The following NAALADL1 variants were observed in gnomAD, a reference collection of about 807,000 sequenced individuals.
NAALADL1 encodes aminopeptidase NAALADL1.
A neutral mutation model predicts 82.8 loss-of-function variants in NAALADL1; 77 were observed. The observed-to-expected ratio is 0.93, with a 90% CI of 0.77 to 1.12. The LOEUF (loss-of-function observed/expected upper bound fraction) is 1.12, where lower values mean the gene tolerates loss of function less well. NAALADL1 is among the 50% of genes most tolerant of loss of function. The pLI, the probability that NAALADL1 is intolerant of heterozygous loss-of-function variation, is 0.00. For synonymous variants in NAALADL1, 358 were observed against 399.2 expected (o/e 0.90, Z 1.23); for missense variants, 956 against 964.0 (o/e 0.99, Z 0.11).
intron 13 of NAALADL1, 133 bp downstream of exon 13, chr11:65,047,342 T>A: frequency 1.4e-6 from 1 of 739,554 alleles, no homozygotes; most frequent in Non-Finnish European, 2.2e-6. Context: ...TGTGTGTGTT[T>A]TTTTTTAAGA....
At chr11:65,055,034 C>G (rs995653823) in intron 4 of NAALADL1, among the ~76,000 whole-genome samples, 1 of 152,230 alleles carries the variant, frequency 6.6e-6, no homozygotes, top group South Asian at 2.1e-4. Flanking sequence ...GCAGCATTAT[C>G]CTCAACGGCC....
In NAALADL1 at chr11:65,054,007, A is replaced by G. The variant is rs900434463; in HGVS notation, c.992+243T>C. Among the ~76,000 whole-genome samples the G allele has an allele frequency of 3.6e-4, 55 of 152,120 alleles. No homozygotes were observed. The highest frequency in any genetic ancestry group is 1.3e-3 in the African/African-American group (53 of 41,500). ...GGCATCTTCAAGAGAGGGAGTCGTG[A>G]GTTACAGACGTCAAGATGAGGTGGG... On this transcript the variant is annotated intron_variant, in intron 6 of 17. Transcript: ENST00000358658. This position sits in a 1 kb window ranked among gnomAD's most constrained non-coding sequence, Gnocchi z 4.3.
Position 65,046,536 on chromosome 11 carries a change from C to A in NAALADL1, c.1600-10G>T, listed in dbSNP as rs1451655370. 5 of 1,613,744 alleles carry A rather than the reference C, an allele frequency of 3.1e-6. No individual in the cohort carries two copies. Among genetic ancestry groups the A allele is most frequent in the Admixed American group, 1.7e-5 (1 of 59,984 alleles). ...TGGCTGAAGTCTTGCTCTGGGGGAA[C>A]AAAGCCCAGAGGTGACAGGCTTGGG... On this transcript the variant is annotated splice_polypyrimidine_tract_variant and intron_variant, in intron 13 of 17. Transcript: ENST00000358658.
At position 65,054,375 on chromosome 11, in the gene NAALADL1, C is replaced by T. The variant is rs1483102068; in HGVS notation, c.888-21G>A. On this transcript the variant is annotated intron_variant, in intron 5 of 17. Coordinates refer to ENST00000358658, the MANE Select transcript of NAALADL1 (RefSeq NM_005468.3). This position sits in a 1 kb window ranked among gnomAD's most constrained non-coding sequence, Gnocchi z 4.3. ...GGTTACTGGGGAGGAGGAAGAGGCC[C>T]TTCAGGGTAAATGTGAGTGTGGGGC... 1 of 1,613,426 alleles carries T rather than the reference C, an allele frequency of 6.2e-7. No individual in the cohort carries two copies. The highest frequency in any genetic ancestry group is 8.5e-7 in the Non-Finnish European group (1 of 1,179,602).
intron 8 of NAALADL1, among the ~76,000 whole-genome samples, chr11:65,050,738 C>T (rs1946864653): frequency 6.7e-6 from 1 of 150,320 alleles, no homozygotes; most frequent in Admixed American, 6.6e-5. Flanking sequence ...TGCAGTGAGC[C>T]AGATTGCGCC....
chr11:65,052,571 C>T (rs1035404420), intron 8 of NAALADL1, among the ~76,000 whole-genome samples: 18 of 152,148 alleles, frequency 1.2e-4, no homozygotes, highest in Admixed American at 3.9e-4. Context: ...CTCGGCCTCC[C>T]AGAGTGCTGG....
At chr11:65,051,315 C>CTTTCTTTT (rs1946879993) in intron 8 of NAALADL1, among the ~76,000 whole-genome samples, 1 of 59,570 alleles carries the variant, frequency 1.7e-5, no homozygotes, top group African/African-American at 6.4e-5. Context: ...TTCTTTCTTT[C>CTTTCTTTT]TTTTTTTTTT....
intron 11 of NAALADL1, 64 bp downstream of exon 11, chr11:65,047,906 CACCCGTAGCGG>C: frequency 1.5e-6 from 2 of 1,292,226 alleles, no homozygotes; most frequent in African/African-American, 1.5e-5. Flanking sequence ...CAGCCCCGCC[CACCCGTAGCGG>C]CCCCGTCCGC....
rs1946688063 is a variant in NAALADL1, at chr11:65,045,151, G to C, written c.*120C>G. Reference sequence around the variant, plus strand: ...TCAGGGACCTCAAGCTGTTGCCTGAGAAGCTTGAGAGGGTCCTGTGGTAGT... The same window carrying C: ...TCAGGGACCTCAAGCTGTTGCCTGACAAGCTTGAGAGGGTCCTGTGGTAGT... On this transcript the variant is annotated 3_prime_UTR_variant, in exon 18 of 18. Coordinates refer to ENST00000358658, the MANE Select transcript of NAALADL1 (RefSeq NM_005468.3). 1 of 1,141,556 alleles carries C rather than the reference G, an allele frequency of 8.8e-7. No homozygotes were observed. Among genetic ancestry groups the C allele is most frequent in the South Asian group, 1.6e-5 (1 of 61,740 alleles). 70.7% of individuals were successfully genotyped at this position (1,141,556 alleles called of 1,614,324 possible).
At chr11:65,055,016 T>G (rs549292468) in intron 4 of NAALADL1, among the ~76,000 whole-genome samples, 1 of 152,336 alleles carries the variant, frequency 6.6e-6, no homozygotes, top group African/African-American at 2.4e-5. Context: ...TGTGTACTCA[T>G]GTCCACAGCA....
chr11:65,046,507 A>G lies in NAALADL1; in HGVS notation c.1619T>C (p.Ile540Thr), dbSNP rs779696750. 2.5e-6 allele frequency: 4 copies of G among 1,614,010 alleles called. No individual in the cohort carries two copies. The African/African-American group carries it at 5.3e-5, about 22-fold the overall frequency. ...TYDRSKTSAR[I>T]YPTYHTAFDT... is the part of the protein sequence containing the mutation. The stretch of plus-strand genomic sequence containing the variant: ...AAAGGCTGTGTGGTAGGTGGGGTAG[A>G]TCCTGGCTGAAGTCTTGCTCTGGGG... Residue 540 changes from isoleucine to threonine, a missense_variant, in exon 14 of 18, where the codon ATC becomes ACC. Physicochemically the swap from Ile to Thr is moderately conservative, Grantham distance 89. Coordinates refer to ENST00000358658, the MANE Select transcript of NAALADL1 (RefSeq NM_005468.3).
At position 65,057,905 on chromosome 11, in the gene NAALADL1, A is replaced by G; in HGVS notation, c.450T>C (p.Tyr150=). 6.2e-7 allele frequency: 1 copy of G among 1,614,076 alleles called. No individual in the cohort carries two copies. The highest frequency in any genetic ancestry group is 2.2e-5 in the East Asian group (1 of 44,866). The stretch of plus-strand genomic sequence containing the variant: ...GGGTTCCAGAAGGAGCATAGGCAGC[A>G]TAGGGTTGTACCACATCTGGCCCCC... The part of the protein sequence containing the change: ...EQGGPDVVQP[Y]AAYAPSGTPQ... Residue 150 remains tyrosine, a synonymous_variant, in exon 3 of 18, where the codon TAT becomes TAC. Transcript: ENST00000358658.
rs1946967719 is a variant in NAALADL1 at position 65,054,144 on chromosome 11, A to G, written c.992+106T>C. 9.9e-7 allele frequency: 1 copy of G among 1,013,848 alleles called. No homozygotes were observed. The highest frequency in any genetic ancestry group is 1.6e-5 in the African/African-American group (1 of 61,948). The allele number at this position is 1,013,848 out of a possible 1,614,324, so 62.8% of individuals were successfully genotyped here. On this transcript the variant is annotated intron_variant, in intron 6 of 17. Transcript: ENST00000358658. This position sits in a 1 kb window ranked among gnomAD's most constrained non-coding sequence, Gnocchi z 4.3. Reference sequence around the variant, plus strand: ...GTCTGGGAGAGAGAGGAAAGGGAAAAAGGTCAGGCTTTGAAGTGGAAAGAG... The same window carrying G: ...GTCTGGGAGAGAGAGGAAAGGGAAAGAGGTCAGGCTTTGAAGTGGAAAGAG...
rs1375417499 is a variant in NAALADL1, at chr11:65,047,908, C to A, written c.1416+73G>T. ...GAGTACCACTCCCCAGCCCCGCCCA[C>A]CCGTAGCGGCCCCGTCCGCCGCACG... On this transcript the variant is annotated intron_variant, in intron 11 of 17. Transcript: ENST00000358658. The A allele has an allele frequency of 6.9e-6, 9 of 1,298,010 alleles. No individual in the cohort carries two copies. The African/African-American group carries it at 8.9e-5, about 13-fold the overall frequency. 80.4% of individuals were successfully genotyped at this position (1,298,010 alleles called of 1,614,324 possible).
chr11:65,058,362 C>T lies in NAALADL1; in HGVS notation c.160G>A (p.Ala54Thr), dbSNP rs1473171824. ...ILETVMGQLD[A>T]HRIRENLREL... ...CTGAGGTTCTCCCGGATCCTGTGGG[C>T]ATCCAGCTGCCCCATGACGGTCTCC... The change falls in exon 1 of 18, where the codon GCC (alanine) becomes ACC (threonine). Residue 54 changes from alanine (A) to threonine (T), a missense_variant. Physicochemically the swap from Ala to Thr is moderately conservative, Grantham distance 58. Coordinates refer to ENST00000358658, the MANE Select transcript of NAALADL1 (RefSeq NM_005468.3). 6.2e-6 allele frequency: 10 copies of T among 1,614,190 alleles called. No individual in the cohort carries two copies. Among genetic ancestry groups the T allele is most frequent in the Non-Finnish European group, 8.5e-6 (10 of 1,180,010 alleles).
In NAALADL1 at chr11:65,047,412, CAA is replaced by C; in HGVS notation, c.1599+61_1599+62del. 2.1e-6 allele frequency: 3 copies of C among 1,422,264 alleles called. No individual in the cohort carries two copies. The South Asian group carries it at 3.8e-5, about 18-fold the overall frequency. 88.1% of individuals were successfully genotyped at this position (1,422,264 alleles called of 1,614,324 possible). A position where few individuals can be genotyped will look rare whatever the true frequency, so the allele number is the denominator to read the frequency against. ...GGTTCAGTCTGTATGAGAACAGCCA[CAA>C]AGAGAGGAGGGGGCGCATGCAGCAA... On this transcript the variant is annotated intron_variant, in intron 13 of 17. Coordinates refer to ENST00000358658, the MANE Select transcript of NAALADL1 (RefSeq NM_005468.3).
upstream of NAALADL1, chr11:65,058,630 C>T: frequency 9.2e-7 from 1 of 1,083,812 alleles, no homozygotes; most frequent in South Asian, 1.7e-5. Flanking sequence ...TGCCCTTTGA[C>T]CCCCAGCTGG....
Position 65,045,302 on chromosome 11 carries a change from G to A in NAALADL1, c.2192C>T (p.Ala731Val). 1 of 1,609,046 alleles carries A rather than the reference G, an allele frequency of 6.2e-7. No individual in the cohort carries two copies. Among genetic ancestry groups the A allele is most frequent in the South Asian group, 1.1e-5 (1 of 90,474 alleles). The change falls in exon 18 of 18, where the codon GCA (alanine) becomes GTA (valine). Residue 731 changes from alanine to valine, a missense_variant. By Grantham distance (64) the Ala-to-Val change is moderately conservative. Coordinates refer to ENST00000358658, the MANE Select transcript of NAALADL1 (RefSeq NM_005468.3). Reference protein sequence around the residue: ...SIVVTALEGAAATLRPVADL With the variant: ...SIVVTALEGAVATLRPVADL ...GTCAGCCACAGGCCTCAGGGTGGCT[G>A]CCGCACCCTCCAGGGCTGTCACCAC...
chr11:65,045,762 TG>T, intron 17 of NAALADL1, 59 bp downstream of exon 17: 1 of 1,503,056 alleles, frequency 6.7e-7, no homozygotes, highest in Non-Finnish European at 9.2e-7. Context: ...TCGTCTCAGG[TG>T]GGGAGCCATT....
Sources: gnomAD v4.1 joint callset for allele counts (sites outside exome capture counted in the v4.1 genomes callset) on GRCh38, gnomAD v4.1.1 for gene constraint, Gnocchi (gnomAD v3.1) non-coding constraint, MANE v1.5 for transcripts, NCBI Gene and HGNC (gene_info 2026-07-23, HGNC 2026-07-21) for gene names.